Variants in PHACTR1 observed in about 807,000 individuals in gnomAD.
The protein encoded by PHACTR1 is phosphatase and actin regulator 1.
A neutral mutation model predicts 69.2 loss-of-function variants in PHACTR1; 16 were observed. The ratio of observed to expected loss-of-function variants is 0.23; its 90% CI spans 0.16 to 0.35. The LOEUF (loss-of-function observed/expected upper bound fraction) is 0.35. Among genes scored for constraint, PHACTR1 ranks in the 10% least tolerant of loss-of-function variants. The pLI is 1.00. For synonymous variants in PHACTR1, 312 were observed against 284.5 expected (o/e 1.10, Z -0.97); for missense variants, 510 against 734.7 (o/e 0.69, Z 3.54).
chr6:12,824,630 A>T (rs1247747867), intron 4 of PHACTR1, among the ~76,000 whole-genome samples: 1 of 152,256 alleles, frequency 6.6e-6, no homozygotes, highest in Admixed American at 6.5e-5. Flanking sequence ...GAAGAAAGGC[A>T]TGGAGGCTAG....
intron 5 of PHACTR1, among the ~76,000 whole-genome samples, chr6:13,127,204 A>G (rs925633207): frequency 6.6e-6 from 1 of 152,204 alleles, no homozygotes; most frequent in Non-Finnish European, 1.5e-5. Flanking sequence ...TTGCTTGACG[A>G]TAAGAATACT....
At chr6:13,088,435 C>T (rs1355898451) in intron 5 of PHACTR1, among the ~76,000 whole-genome samples, 1 of 151,960 alleles carries the variant, frequency 6.6e-6, no homozygotes, top group Non-Finnish European at 1.5e-5. Flanking sequence ...TTTGATTCTC[C>T]CTATGCTTTC....
chr6:12,959,192 A>G (rs1211264541), intron 4 of PHACTR1, among the ~76,000 whole-genome samples: 5 of 106,630 alleles, frequency 4.7e-5, no homozygotes, highest in South Asian at 2.9e-4. Flanking sequence ...AAAAAAAAAA[A>G]AAAGAAAAGA....
chr6:13,041,939 A>G (rs1418678609), intron 4 of PHACTR1, among the ~76,000 whole-genome samples: 1 of 152,198 alleles, frequency 6.6e-6, no homozygotes, highest in African/African-American at 2.4e-5. Context: ...ATAGAATGGT[A>G]CAAAACGATA....
chr6:13,033,854 C>G (rs1802841541), intron 4 of PHACTR1, among the ~76,000 whole-genome samples: 1 of 150,940 alleles, frequency 6.6e-6, no homozygotes, highest in Non-Finnish European at 1.5e-5. Flanking sequence ...ATTGTTCATA[C>G]TTTACACCAA....
chr6:12,781,463 A>G (rs1193748968), intron 4 of PHACTR1, among the ~76,000 whole-genome samples: 1 of 152,230 alleles, frequency 6.6e-6, no homozygotes, highest in Admixed American at 6.5e-5. Context: ...AATGCTTGCA[A>G]ACTATTTTCC....
chr6:13,124,647 C>G (rs1386485910), intron 5 of PHACTR1, among the ~76,000 whole-genome samples: 1 of 152,192 alleles, frequency 6.6e-6, no homozygotes, highest in Non-Finnish European at 1.5e-5. Context: ...CAAAATACCA[C>G]AGTCTAGGAG....
chr6:12,913,546 CTAG>C (rs1430366349), intron 4 of PHACTR1, among the ~76,000 whole-genome samples: 1 of 152,240 alleles, frequency 6.6e-6, no homozygotes, highest in Non-Finnish European at 1.5e-5. Flanking sequence ...TGCATGCTCT[CTAG>C]TACGAGAGAA....
chr6:13,009,999 C>A (rs1179375896), intron 4 of PHACTR1, among the ~76,000 whole-genome samples: 1 of 152,172 alleles, frequency 6.6e-6, no homozygotes, highest in African/African-American at 2.4e-5. Flanking sequence ...CATGACCCTC[C>A]CCACCCCACA....
At chr6:13,244,625 A>C (rs559166839) in intron 10 of PHACTR1, among the ~76,000 whole-genome samples, 1 of 152,128 alleles carries the variant, frequency 6.6e-6, no homozygotes, top group South Asian at 2.1e-4. Flanking sequence ...TATTTCTCCC[A>C]TTTGCTTTTG....
intron 4 of PHACTR1, among the ~76,000 whole-genome samples, chr6:12,905,397 G>A (rs940113339): frequency 1.1e-4 from 17 of 152,208 alleles, no homozygotes; most frequent in Non-Finnish European, 2.5e-4. Context: ...AGAGCTGCCT[G>A]TTCCCATACT....
chr6:13,106,756 G>C (rs116241660), intron 5 of PHACTR1, among the ~76,000 whole-genome samples: 2,373 of 152,088 alleles, frequency 0.016, 53 homozygotes, highest in African/African-American at 0.051. Context: ...AATGGATGTT[G>C]AATATTGCCC....
intron 10 of PHACTR1, among the ~76,000 whole-genome samples, chr6:13,262,302 G>A (rs547879075): frequency 6.6e-6 from 1 of 152,206 alleles, no homozygotes; most frequent in African/African-American, 2.4e-5. Context: ...ACTTGGAGAG[G>A]AAGATGTATG....
intron 10 of PHACTR1, among the ~76,000 whole-genome samples, chr6:13,232,272 T>C (rs1771337686): frequency 6.6e-6 from 1 of 152,226 alleles, no homozygotes; most frequent in Non-Finnish European, 1.5e-5. Flanking sequence ...ATGCCAGTAT[T>C]CTTCCCTCCC....
Position 12,957,630 on chromosome 6 carries a change from G to T in PHACTR1, c.251-95735G>T, listed in dbSNP as rs61461836. ...CGCAGGTCACACCCAGGAGGGGTTG[G>T]TGTGCCTGCCAACTGTTCTGGGCTC... is the stretch of plus-strand genomic sequence containing the variant. On this transcript the variant is annotated intron_variant, in intron 4 of 14. Transcript: ENST00000332995. 56 of 985,670 alleles carry T rather than the reference G, an allele frequency of 5.7e-5. No individual in the cohort carries two copies. In the African/African-American group the frequency reaches 9.1e-4, roughly 16 times the overall value. 61.1% of individuals were successfully genotyped at this position (985,670 alleles called of 1,614,324 possible).
At chr6:12,749,042 G>A (rs909080522) in intron 3 of PHACTR1, among the ~76,000 whole-genome samples, 2 of 152,216 alleles carry the variant, frequency 1.3e-5, no homozygotes, top group Non-Finnish European at 2.9e-5. Flanking sequence ...GCTGGGCTGG[G>A]CACAATGCCC....
At chr6:13,259,121 T>C (rs1305825415) in intron 10 of PHACTR1, among the ~76,000 whole-genome samples, 2 of 152,234 alleles carry the variant, frequency 1.3e-5, no homozygotes, top group African/African-American at 2.4e-5. Flanking sequence ...TTTTGATGGA[T>C]TCTTCTTGTA....
intron 4 of PHACTR1, among the ~76,000 whole-genome samples, chr6:12,884,234 C>T (rs1464574696): frequency 6.6e-6 from 1 of 152,152 alleles, no homozygotes; most frequent in Non-Finnish European, 1.5e-5. Flanking sequence ...TTTTATTTCC[C>T]AATATCTGTC....
At chr6:13,084,734 G>T (rs1408973173) in intron 5 of PHACTR1, among the ~76,000 whole-genome samples, 1 of 151,892 alleles carries the variant, frequency 6.6e-6, no homozygotes, top group Non-Finnish European at 1.5e-5. Context: ...ATAAGAAGAG[G>T]GGGTGGCGTG....
Sources: gnomAD v4.1 joint callset for allele counts (sites outside exome capture counted in the v4.1 genomes callset) on GRCh38, gnomAD v4.1.1 for gene constraint, MANE v1.5 for transcripts, NCBI Gene and HGNC (gene_info 2026-07-23, HGNC 2026-07-21) for gene names.